Variants in PCDHGA7 observed in about 807,000 individuals in gnomAD.
PCDHGA7 encodes protocadherin gamma subfamily A, 7.
Under a neutral mutation model 58.3 loss-of-function variants are expected in PCDHGA7, and 44 were observed. That is an observed-to-expected ratio of 0.75 (90% CI 0.59 to 0.97). PCDHGA7 has a LOEUF of 0.97. PCDHGA7 is among the 50% of genes least tolerant of loss of function. PCDHGA7 has a pLI of 0.00. For synonymous variants in PCDHGA7, 516 were observed against 504.2 expected (o/e 1.02, Z -0.31); for missense variants, 1,266 against 1,188.7 (o/e 1.06, Z -0.96).
intron 1 of PCDHGA7, among the ~76,000 whole-genome samples, chr5:141,425,551 T>C (rs1472337722): frequency 1.3e-5 from 2 of 152,270 alleles, no homozygotes. Context: ...CAGAAACCTC[T>C]TTTATAAGTG....
At chr5:141,465,318 A>G (rs1440554123) in intron 1 of PCDHGA7, among the ~76,000 whole-genome samples, 1 of 152,198 alleles carries the variant, frequency 6.6e-6, no homozygotes, top group Non-Finnish European at 1.5e-5. Flanking sequence ...AGCCATGTCA[A>G]TGCAGTATTT....
chr5:141,388,745 C>T lies in PCDHGA7; in HGVS notation c.2424+3422C>T, dbSNP rs1280615634. Reference sequence around the variant, plus strand: ...TCTCTTTCAGTGAAGCTAGCCAGATCACCCAATTTGACCTGAACTCTAACA... The same window carrying T: ...TCTCTTTCAGTGAAGCTAGCCAGATTACCCAATTTGACCTGAACTCTAACA... On this transcript the variant is annotated intron_variant, in intron 1 of 3. Coordinates refer to ENST00000518325, the MANE Select transcript of PCDHGA7 (RefSeq NM_018920.4). 3 of 1,614,024 alleles carry T rather than the reference C, an allele frequency of 1.9e-6. No individual in the cohort carries two copies. The Admixed American group carries it at 5.0e-5, about 27-fold the overall frequency.
chr5:141,410,508 G>T (rs752298772), intron 1 of PCDHGA7: 1 of 1,613,968 alleles, frequency 6.2e-7, no homozygotes, highest in South Asian at 1.1e-5. Context: ...TTCCTAAAAT[G>T]CAGTGTGCCC....
At chr5:141,395,067 AC>A (rs1479370833) in intron 1 of PCDHGA7, 1 of 1,613,888 alleles carries the variant, frequency 6.2e-7, no homozygotes, top group African/African-American at 1.3e-5. Flanking sequence ...TTTCCTGCAG[AC>A]CTATTCCCAG....
chr5:141,505,681 G>A (rs113733387), intron 3 of PCDHGA7, among the ~76,000 whole-genome samples, 200 bp downstream of exon 3: 92 of 152,324 alleles, frequency 6.0e-4, no homozygotes, highest in African/African-American at 2.1e-3. Flanking sequence ...GGGGTCCTGG[G>A]ATGCCTGGAG....
intron 1 of PCDHGA7, among the ~76,000 whole-genome samples, chr5:141,452,815 A>G (rs1199990390): frequency 6.6e-6 from 1 of 152,186 alleles, no homozygotes; most frequent in Admixed American, 6.5e-5. Flanking sequence ...TTTGTTCATA[A>G]GAAGCAAAAT....
In PCDHGA7 at chr5:141,489,574, C is replaced by T. The variant is rs963768096; in HGVS notation, c.2425-5233C>T. The T allele has an allele frequency of 2.5e-6, 4 of 1,613,978 alleles. No homozygotes were observed. The highest frequency in any genetic ancestry group is 3.4e-6 in the Non-Finnish European group (4 of 1,180,014). ...GCTGCCAGTGCAGGTGGTGACTGAA[C>T]ACCCCCTGGAGCTAATCCGTGTAGA... On this transcript the variant is annotated intron_variant, in intron 1 of 3. Coordinates refer to ENST00000518325, the MANE Select transcript of PCDHGA7 (RefSeq NM_018920.4). This position sits in a 1 kb window ranked among gnomAD's most constrained non-coding sequence, Gnocchi z 4.5.
intron 3 of PCDHGA7, among the ~76,000 whole-genome samples, chr5:141,508,841 C>A (rs969875150): frequency 6.6e-6 from 1 of 152,140 alleles, no homozygotes; most frequent in East Asian, 1.9e-4. Context: ...TCCCCTACCC[C>A]TTCCATTCCC....
In PCDHGA7 at chr5:141,491,797, G is replaced by T. The variant is rs537755017; in HGVS notation, c.2425-3010G>T. The stretch of plus-strand genomic sequence containing the variant: ...ATTGAACTTGCATCCACTCCTCTCC[G>T]GCCGGCTTGGTCGCTGGCTGCGCTC... On this transcript the variant is annotated intron_variant, in intron 1 of 3. Coordinates refer to ENST00000518325, the MANE Select transcript of PCDHGA7 (RefSeq NM_018920.4). The surrounding 1 kb of genome is among the most constrained non-coding windows in gnomAD (Gnocchi z 6.9). 2.0e-6 allele frequency: 3 copies of T among 1,506,818 alleles called. No homozygotes were observed. The highest frequency in any genetic ancestry group is 2.4e-5 in the Admixed American group (1 of 41,734). 93.3% of individuals were successfully genotyped at this position (1,506,818 alleles called of 1,614,324 possible). A position where few individuals can be genotyped will look rare whatever the true frequency, so the allele number is the denominator to read the frequency against.
chr5:141,473,377 C>T (rs2099320819), intron 1 of PCDHGA7, among the ~76,000 whole-genome samples: 1 of 152,202 alleles, frequency 6.6e-6, no homozygotes, highest in Admixed American at 6.5e-5. Flanking sequence ...TAGCATGGTC[C>T]CTGCCCTCCT....
At chr5:141,470,132 A>G (rs1411735203) in intron 1 of PCDHGA7, among the ~76,000 whole-genome samples, 1 of 151,586 alleles carries the variant, frequency 6.6e-6, no homozygotes, top group East Asian at 1.9e-4. Context: ...TCGTCTCAAA[A>G]AAAAAGATCA....
Position 141,384,596 on chromosome 5 carries a change from C to T in PCDHGA7, c.1697C>T (p.Ala566Val). 1 of 1,614,240 alleles carries T rather than the reference C, an allele frequency of 6.2e-7. No homozygotes were observed. The change falls in exon 1 of 4, where the codon GCC becomes GTC. Residue 566 changes from alanine (A) to valine (V), a missense_variant. Coordinates refer to ENST00000518325, the MANE Select transcript of PCDHGA7 (RefSeq NM_018920.4). ...AACCCGCCCGAGATCCTGTACCCGG[C>T]CCTCCCCACAGATGGTTCTACTGGC... is the stretch of plus-strand genomic sequence containing the variant. ...NDNPPEILYP[A>V]LPTDGSTGME...
Position 141,485,666 on chromosome 5 carries a change from A to C in PCDHGA7, c.2425-9141A>C. 1.2e-6 allele frequency: 2 copies of C among 1,612,786 alleles called. No homozygotes were observed. Among genetic ancestry groups the C allele is most frequent in the Non-Finnish European group, 1.7e-6 (2 of 1,178,960 alleles). ...GGCTCAGGATGCAGATGTGGGGAGCAATTCGATTAGCAGCTATAGGCTGAG... is the reference window on the plus strand; with the variant it reads ...GGCTCAGGATGCAGATGTGGGGAGCCATTCGATTAGCAGCTATAGGCTGAG... On this transcript the variant is annotated intron_variant, in intron 1 of 3. Transcript: ENST00000518325. This position sits in a 1 kb window ranked among gnomAD's most constrained non-coding sequence, Gnocchi z 5.7.
intron 1 of PCDHGA7, chr5:141,393,518 A>C: frequency 6.2e-7 from 1 of 1,614,030 alleles, no homozygotes; most frequent in Non-Finnish European, 8.5e-7. Context: ...TGTTGGATAC[A>C]AATGACAATG....
chr5:141,501,706 T>TA (rs2099810629), intron 2 of PCDHGA7, among the ~76,000 whole-genome samples: 1 of 152,094 alleles, frequency 6.6e-6, no homozygotes, highest in South Asian at 2.1e-4. Flanking sequence ...ATTCCGAGGA[T>TA]AAAAAAGACA....
intron 1 of PCDHGA7, chr5:141,399,997 A>C (rs2093936203): frequency 6.2e-7 from 1 of 1,612,226 alleles, no homozygotes; most frequent in African/African-American, 1.3e-5. Context: ...AGAGGTGCGC[A>C]CAGCGCGTGC....
Position 141,432,771 on chromosome 5 carries a change from T to G in PCDHGA7, c.2424+47448T>G. The G allele has an allele frequency of 6.2e-7, 1 of 1,614,006 alleles. No homozygotes were observed. The highest frequency in any genetic ancestry group is 8.5e-7 in the Non-Finnish European group (1 of 1,179,966). On this transcript the variant is annotated intron_variant, in intron 1 of 3. Coordinates refer to ENST00000518325, the MANE Select transcript of PCDHGA7 (RefSeq NM_018920.4). This position sits in a 1 kb window ranked among gnomAD's most constrained non-coding sequence, Gnocchi z 6.0. ...GCCGTGGCCGACAGCATCCCCCAAG[T>G]CCTGGCGGACCTCGGCAGCCTCGAG...
At chr5:141,478,283 T>C (rs755297808) in intron 1 of PCDHGA7, 2 of 1,614,148 alleles carry the variant, frequency 1.2e-6, no homozygotes, top group South Asian at 2.2e-5. Context: ...GTGGAAGCAG[T>C]CTAGAGACCT....
intron 1 of PCDHGA7, chr5:141,418,432 T>A: frequency 6.2e-7 from 1 of 1,613,956 alleles, no homozygotes; most frequent in East Asian, 2.2e-5. Context: ...GTGGCAAATA[T>A]CCAGAATTAG....
Sources: allele counts gnomAD v4.1 joint callset (sites outside exome capture counted in the v4.1 genomes callset), GRCh38; gene constraint gnomAD v4.1.1; non-coding constraint Gnocchi (gnomAD v3.1); transcripts MANE v1.5; gene names NCBI Gene and HGNC (gene_info 2026-07-23, HGNC 2026-07-21).